WDR20: variants seen among roughly 807,000 people sequenced by gnomAD.
WDR20 encodes the protein WD repeat domain 20, also known as WD repeat-containing protein 20.
In WDR20, 3 loss-of-function variants were observed where a neutral mutation model predicts 38.7. That is an observed-to-expected ratio of 0.08 (90% confidence interval 0.04 to 0.20). WDR20 has a LOEUF of 0.20. WDR20 is among the 10% of genes least tolerant of loss of function. The probability of loss-of-function intolerance (pLI) is 1.00; values close to 1 mark genes in which losing one functional copy is unlikely to be tolerated. For missense variants in WDR20, 559 were observed against 727.7 expected (o/e 0.77, Z 2.67); for synonymous variants, 298 against 285.6 (o/e 1.04, Z -0.44).
Position 102,209,894 on chromosome 14 carries a change from C to A in WDR20, c.*14C>A. 6.3e-7 allele frequency: 1 copy of A among 1,582,270 alleles called. No homozygotes were observed. Among genetic ancestry groups the A allele is most frequent in the Non-Finnish European group, 8.6e-7 (1 of 1,163,318 alleles). On this transcript the variant is annotated 3_prime_UTR_variant, in exon 3 of 3. Coordinates refer to ENST00000342702, the MANE Select transcript of WDR20 (RefSeq NM_144574.4). This position sits in a 1 kb window ranked among gnomAD's most constrained non-coding sequence, Gnocchi z 6.0. ...TTTAATCCTTAATGCTGCACCAGATCTAGAACTTGAATAGGTAGTGACTTT... is the reference window on the plus strand; with the variant it reads ...TTTAATCCTTAATGCTGCACCAGATATAGAACTTGAATAGGTAGTGACTTT...
chr14:102,209,075 G>C lies in WDR20; in HGVS notation c.905G>C (p.Gly302Ala). 1 of 1,614,158 alleles carries C rather than the reference G, an allele frequency of 6.2e-7. No homozygotes were observed. Among genetic ancestry groups the C allele is most frequent in the Non-Finnish European group, 8.5e-7 (1 of 1,180,022 alleles). Reference protein sequence around the residue: ...VDCRVIARGHGHKSWVSVVAF... With the variant: ...VDCRVIARGHAHKSWVSVVAF... ...TGCCGAGTAATAGCCAGAGGCCACG[G>C]GCACAAGTCCTGGGTCAGTGTTGTA... is the stretch of plus-strand genomic sequence containing the variant. Residue 302 changes from glycine to alanine, a missense_variant, in exon 3 of 3, where the codon GGG becomes GCG. Transcript: ENST00000342702. This position sits in a 1 kb window ranked among gnomAD's most constrained non-coding sequence, Gnocchi z 6.0.
chr14:102,194,245 A>G (rs2059034578), intron 1 of WDR20, among the ~76,000 whole-genome samples: 1 of 152,208 alleles, frequency 6.6e-6, no homozygotes, highest in African/African-American at 2.4e-5. Flanking sequence ...TCCTTTGATT[A>G]TGGCCTCGAT....
chr14:102,177,874 T>C (rs192739768), intron 1 of WDR20, among the ~76,000 whole-genome samples: 24 of 152,344 alleles, frequency 1.6e-4, no homozygotes, highest in East Asian at 5.8e-4. Context: ...TAGCCTGTTA[T>C]GTTTTCTGTC....
At chr14:102,190,803 C>A (rs1397582042) in intron 1 of WDR20, among the ~76,000 whole-genome samples, 3 of 152,022 alleles carry the variant, frequency 2.0e-5, no homozygotes, top group African/African-American at 7.2e-5. Context: ...GAGTTCGAGA[C>A]CAGCATGGCC....
At chr14:102,186,044 T>G (rs1247158265) in intron 1 of WDR20, among the ~76,000 whole-genome samples, 1 of 152,218 alleles carries the variant, frequency 6.6e-6, no homozygotes, top group Non-Finnish European at 1.5e-5. Flanking sequence ...ACACTGAAAC[T>G]GTACAATTGA....
rs551191439 is a variant in WDR20, at chr14:102,210,158, A to G, written c.*278A>G. The G allele has an allele frequency of 9.9e-5, 110 of 1,110,932 alleles. No individual in the cohort carries two copies. The African/African-American group carries it at 1.6e-3, about 16-fold the overall frequency. 68.8% of individuals were successfully genotyped at this position (1,110,932 alleles called of 1,614,324 possible). A position where few individuals can be genotyped will look rare whatever the true frequency, so the allele number is the denominator to read the frequency against. Reference sequence around the variant, plus strand: ...AAGGTTAGCGCTCCTGTATTAGACTATTTCAATTTTAGGAAAATCATGACC... The same window carrying G: ...AAGGTTAGCGCTCCTGTATTAGACTGTTTCAATTTTAGGAAAATCATGACC... On this transcript the variant is annotated 3_prime_UTR_variant, in exon 3 of 3. Transcript: ENST00000342702.
chr14:102,193,394 T>G (rs1174496315), intron 1 of WDR20: 1 of 1,533,396 alleles, frequency 6.5e-7, no homozygotes, highest in African/African-American at 1.4e-5. Flanking sequence ...CCCTTTTGTT[T>G]TGTATCATGC....
At chr14:102,157,387 T>G (rs2057672113) in intron 1 of WDR20, 1 of 152,220 alleles carries the variant, frequency 6.6e-6, no homozygotes, top group Admixed American at 6.5e-5. Context: ...GACTAGTTTC[T>G]TATGTCCTGT....
chr14:102,145,136 G>A (rs1595790123), intron 1 of WDR20, among the ~76,000 whole-genome samples: 1 of 152,178 alleles, frequency 6.6e-6, no homozygotes, highest in Non-Finnish European at 1.5e-5. Flanking sequence ...ACAGTGCAGT[G>A]TCCAGTTTAG....
rs2061931351 is a variant in WDR20 at position 102,208,320 on chromosome 14, C to T, written c.433-283C>T. Among the ~76,000 whole-genome samples, 1 of 152,230 alleles carries T rather than the reference C, an allele frequency of 6.6e-6. No individual in the cohort carries two copies. The highest frequency in any genetic ancestry group is 2.1e-4 in the South Asian group (1 of 4,832). On this transcript the variant is annotated intron_variant, in intron 2 of 2. Coordinates refer to ENST00000342702, the MANE Select transcript of WDR20 (RefSeq NM_144574.4). This position sits in a 1 kb window ranked among gnomAD's most constrained non-coding sequence, Gnocchi z 5.6. ...GTTCCCTCCGCAGTGAACCCTGTGC[C>T]TGGCATCGTGTCTGGCACTTAGTGG...
chr14:102,143,138 G>C (rs2152671021), intron 1 of WDR20, among the ~76,000 whole-genome samples: 1 of 152,244 alleles, frequency 6.6e-6, no homozygotes, highest in South Asian at 2.1e-4. Context: ...ATGCAAACCT[G>C]TTAGAATTTT....
intron 2 of WDR20, among the ~76,000 whole-genome samples, chr14:102,201,784 T>C (rs1223385316): frequency 6.6e-6 from 1 of 152,240 alleles, no homozygotes; most frequent in Non-Finnish European, 1.5e-5. Flanking sequence ...TTGTTAAGAA[T>C]GGGCCTTGGA....
intron 2 of WDR20, among the ~76,000 whole-genome samples, chr14:102,199,624 TCA>T (rs1461199248): frequency 6.6e-6 from 1 of 152,138 alleles, no homozygotes; most frequent in Non-Finnish European, 1.5e-5. Flanking sequence ...GCACACACCT[TCA>T]CACACCGAAT....
chr14:102,220,733 A>G lies in WDR20; in HGVS notation c.1693-2097A>G, dbSNP rs951346648. On this transcript the variant is annotated intron_variant, in intron 3 of 3. Coordinates refer to the WDR20 transcript ENST00000335263. The surrounding 1 kb of genome is among the most constrained non-coding windows in gnomAD (Gnocchi z 4.2). ...AGACTCCGTCTCAAAAAAAAAAAAA[A>G]AAAAGAAAATATTAAAATTAATGTC... Among the ~76,000 whole-genome samples, 5 of 152,078 alleles carry G rather than the reference A, an allele frequency of 3.3e-5. No homozygotes were observed. The highest frequency in any genetic ancestry group is 3.8e-4 in the East Asian group (2 of 5,198).
At position 102,222,554 on chromosome 14, in the gene WDR20, A is replaced by G. The variant is rs1051906666; in HGVS notation, c.1693-276A>G. On this transcript the variant is annotated intron_variant, in intron 3 of 3. Coordinates refer to the WDR20 transcript ENST00000335263. The surrounding 1 kb of genome is among the most constrained non-coding windows in gnomAD (Gnocchi z 4.4). ...ACCTGTTCTCAGGTGCTGAGAAACC[A>G]CTGTCTCCCCCAAGGGCAAGGCCAG... Among the ~76,000 whole-genome samples, 18 of 151,944 alleles carry G rather than the reference A, an allele frequency of 1.2e-4. No individual in the cohort carries two copies. The highest frequency in any genetic ancestry group is 4.4e-4 in the African/African-American group (18 of 41,348).
upstream of WDR20, chr14:102,139,813 A>C (rs945954203): frequency 4.7e-6 from 7 of 1,478,502 alleles, no homozygotes; most frequent in African/African-American, 9.7e-5. Flanking sequence ...CGCGGGTGGG[A>C]GGGGCGAGAA....
intron 1 of WDR20, among the ~76,000 whole-genome samples, chr14:102,170,411 C>T (rs1410599337): frequency 6.6e-6 from 1 of 152,072 alleles, no homozygotes; most frequent in Non-Finnish European, 1.5e-5. Flanking sequence ...GTCAAATCGC[C>T]TTCTAAAAAT....
At chr14:102,211,335 G>C (rs1198760740), downstream of WDR20, among the ~76,000 whole-genome samples, 2 of 152,154 alleles carry the variant, frequency 1.3e-5, no homozygotes, top group African/African-American at 4.8e-5. The surrounding 1 kb of genome is among the most constrained non-coding windows in gnomAD (Gnocchi z 4.2). Flanking sequence ...GCAGTGTAAA[G>C]ACCCTGGTAG....
intron 1 of WDR20, among the ~76,000 whole-genome samples, chr14:102,165,808 T>G (rs774305167): frequency 7.2e-5 from 11 of 151,888 alleles, no homozygotes; most frequent in Middle Eastern, 3.4e-3. Flanking sequence ...AGCTAATTTT[T>G]TATTTTTTTT....
Sources: allele counts gnomAD v4.1 joint callset (sites outside exome capture counted in the v4.1 genomes callset), GRCh38; gene constraint gnomAD v4.1.1; non-coding constraint Gnocchi (gnomAD v3.1); transcripts MANE v1.5; gene names NCBI Gene and HGNC (gene_info 2026-07-23, HGNC 2026-07-21).